LRRC7: variants seen among roughly 807,000 people sequenced by gnomAD.
The protein encoded by LRRC7 is leucine rich repeat containing 7, also known as leucine-rich repeat-containing protein 7.
Under a neutral mutation model 175.7 loss-of-function variants are expected in LRRC7, and 23 were observed. The observed-to-expected ratio is 0.13, with a 90% confidence interval of 0.09 to 0.19. LRRC7 has a LOEUF of 0.19. LRRC7 is among the 10% of genes least tolerant of loss of function. LRRC7 has a pLI of 1.00. For missense variants in LRRC7, 1,354 were observed against 1,904.7 expected (o/e 0.71, Z 5.38); for synonymous variants, 685 against 680.9 (o/e 1.01, Z -0.09).
At chr1:69,834,970 A>G in intron 6 of LRRC7, 101 bp downstream of exon 6, 2 of 830,658 alleles carry the variant, frequency 2.4e-6, no homozygotes, top group Non-Finnish European at 3.8e-6. Context: ...TTGTGATTAA[A>G]GATAGGCCTC....
At chr1:69,822,972 T>G (rs924894406) in intron 4 of LRRC7, among the ~76,000 whole-genome samples, 1 of 152,218 alleles carries the variant, frequency 6.6e-6, no homozygotes, top group Non-Finnish European at 1.5e-5. Flanking sequence ...TTTGGAATAT[T>G]AGTTTGGTGG....
intron 7 of LRRC7, among the ~76,000 whole-genome samples, chr1:69,890,563 A>G (rs1645803904): frequency 6.6e-6 from 1 of 152,186 alleles, no homozygotes; most frequent in Admixed American, 6.5e-5. Context: ...ACTTTAATTT[A>G]CCAGTGGCAT....
chr1:69,927,351 G>C (rs1184099407), intron 7 of LRRC7, among the ~76,000 whole-genome samples: 1 of 152,124 alleles, frequency 6.6e-6, no homozygotes, highest in Non-Finnish European at 1.5e-5. Context: ...CTGAATGTTG[G>C]CCTGCCTTGC....
intron 1 of LRRC7, among the ~76,000 whole-genome samples, chr1:69,581,674 G>A (rs1222531155): frequency 6.6e-6 from 1 of 152,112 alleles, no homozygotes; most frequent in African/African-American, 2.4e-5. Flanking sequence ...CTTCTATAGG[G>A]AAAAGTAATT....
chr1:69,680,668 A>G (rs1660365799), intron 2 of LRRC7, among the ~76,000 whole-genome samples: 1 of 151,878 alleles, frequency 6.6e-6, no homozygotes, highest in East Asian at 1.9e-4. Flanking sequence ...CATGAGAAAA[A>G]AAAAAGCCAC....
chr1:69,718,884 G>A, intron 2 of LRRC7, among the ~76,000 whole-genome samples: 1 of 151,824 alleles, frequency 6.6e-6, no homozygotes, highest in East Asian at 1.9e-4. Flanking sequence ...GTCAGTAATT[G>A]GGAGCCCCAA....
intron 2 of LRRC7, among the ~76,000 whole-genome samples, chr1:69,758,400 CT>C (rs1233283503): frequency 1.3e-5 from 2 of 151,886 alleles, no homozygotes; most frequent in Non-Finnish European, 1.5e-5. Context: ...CTAGAATATC[CT>C]TTTATTAATT....
chr1:69,740,060 A>G (rs980967295), intron 2 of LRRC7, among the ~76,000 whole-genome samples: 1 of 152,100 alleles, frequency 6.6e-6, no homozygotes, highest in Non-Finnish European at 1.5e-5. Context: ...TAGAGGTTCT[A>G]CTATATGATT....
At chr1:69,725,616 G>A (rs1341449208) in intron 2 of LRRC7, among the ~76,000 whole-genome samples, 1 of 152,190 alleles carries the variant, frequency 6.6e-6, no homozygotes, top group Non-Finnish European at 1.5e-5. Flanking sequence ...TACACTCAAG[G>A]TGCCTAAACG....
chr1:69,857,018 G>A (rs778024939), intron 7 of LRRC7, among the ~76,000 whole-genome samples: 85 of 152,148 alleles, frequency 5.6e-4, no homozygotes, highest in East Asian at 5.8e-4. Context: ...AAAACCACGT[G>A]GTTATCTCAA....
intron 1 of LRRC7, among the ~76,000 whole-genome samples, chr1:69,601,647 C>A (rs1647077657): frequency 6.6e-6 from 1 of 151,992 alleles, no homozygotes; most frequent in Non-Finnish European, 1.5e-5. Context: ...ACAATTTAAT[C>A]TTTGATTTGT....
chr1:70,041,600 G>A (rs942283919), intron 21 of LRRC7, among the ~76,000 whole-genome samples: 13 of 152,194 alleles, frequency 8.5e-5, no homozygotes, highest in Admixed American at 2.6e-4. Context: ...CTCTGGCCTC[G>A]TGTAGACACG....
At chr1:70,040,978 C>G (rs186934804) in intron 21 of LRRC7, among the ~76,000 whole-genome samples, 1 of 152,154 alleles carries the variant, frequency 6.6e-6, no homozygotes, top group Non-Finnish European at 1.5e-5. Context: ...AATTGACCAT[C>G]GTCATTCAGT....
At chr1:69,753,981 A>G (rs142291808) in intron 2 of LRRC7, among the ~76,000 whole-genome samples, 218 of 152,164 alleles carry the variant, frequency 1.4e-3, no homozygotes, top group African/African-American at 4.6e-3. Flanking sequence ...AGGCTCTAGT[A>G]TAGGAGAGGT....
intron 22 of LRRC7, 116 bp downstream of exon 22, chr1:70,044,210 C>A: frequency 9.8e-7 from 1 of 1,016,162 alleles, no homozygotes; most frequent in Non-Finnish European, 1.4e-6. Flanking sequence ...CCTATGAGTC[C>A]AAAAAGCACA....
At chr1:70,118,948 C>A (rs1571374092) in intron 26 of LRRC7, among the ~76,000 whole-genome samples, 1 of 151,670 alleles carries the variant, frequency 6.6e-6, no homozygotes, top group Non-Finnish European at 1.5e-5. Context: ...GAACTAACAC[C>A]TTGTTTAAAA....
intron 1 of LRRC7, among the ~76,000 whole-genome samples, chr1:69,582,655 C>A (rs1433375601): frequency 6.6e-6 from 1 of 152,154 alleles, no homozygotes; most frequent in East Asian, 1.9e-4. Flanking sequence ...CATTCCAAAT[C>A]TTTATCTATT....
In LRRC7 at chr1:69,729,158, G is replaced by C. The variant is rs1001078837; in HGVS notation, c.101-31033G>C. 1.2e-4 allele frequency among the ~76,000 whole-genome samples: 18 copies of C among 151,796 alleles called. 1 individual carries two copies. Among genetic ancestry groups the C allele is most frequent in the African/African-American group, 4.3e-4 (18 of 41,404 alleles). On this transcript the variant is annotated intron_variant, in intron 2 of 26. Transcript: ENST00000651989. ...TCCCACTAGGTCCCTTCCAAAACAT[G>C]TGGGGATTATGGGAACTAAAATTCA...
At chr1:69,696,673 A>G (rs1385725172) in intron 2 of LRRC7, among the ~76,000 whole-genome samples, 1 of 152,200 alleles carries the variant, frequency 6.6e-6, no homozygotes, top group Non-Finnish European at 1.5e-5. Context: ...GTCATGGGGC[A>G]GATTCCTCAT....
Sources: gnomAD v4.1 joint callset for allele counts (sites outside exome capture counted in the v4.1 genomes callset) on GRCh38, gnomAD v4.1.1 for gene constraint, MANE v1.5 for transcripts, NCBI Gene and HGNC (gene_info 2026-07-23, HGNC 2026-07-21) for gene names.